Variants in PPIL3 observed in about 807,000 individuals in gnomAD.
The protein encoded by PPIL3 is peptidyl-prolyl cis-trans isomerase-like 3.
PPIL3 carries 13 observed loss-of-function variants against 20.9 expected under a neutral mutation model. That is an observed-to-expected ratio of 0.62 (90% CI 0.40 to 0.99). The LOEUF (loss-of-function observed/expected upper bound fraction) is 0.99. Ranked by LOEUF, PPIL3 falls within the 50% of genes least tolerant of loss-of-function variation. PPIL3 has a pLI of 0.00. For missense variants in PPIL3, 170 were observed against 195.2 expected, an observed-to-expected ratio of 0.87 and a Z score of 0.77; for synonymous variants, 71 against 64.4, an observed-to-expected ratio of 1.10 and a Z score of -0.49.
At chr2:200,874,355 G>A (rs1159782411) in intron 6 of PPIL3, among the ~76,000 whole-genome samples, 2 of 151,944 alleles carry the variant, frequency 1.3e-5, no homozygotes, top group Admixed American at 1.3e-4. Context: ...CCACCTTCTA[G>A]GTCAGTAAGA....
intron 3 of PPIL3, among the ~76,000 whole-genome samples, chr2:200,882,856 C>T (rs765019133): frequency 2.0e-4 from 30 of 149,024 alleles, no homozygotes; most frequent in Middle Eastern, 6.8e-3. Context: ...GCCGAGATCG[C>T]ACCACTGCAC....
intron 6 of PPIL3, among the ~76,000 whole-genome samples, chr2:200,873,707 C>T (rs1037234251): frequency 6.6e-6 from 1 of 151,460 alleles, no homozygotes; most frequent in African/African-American, 2.4e-5. Flanking sequence ...ACCTCGTGAT[C>T]TGCCCGCCTT....
chr2:200,879,474 T>C (rs529149184), intron 5 of PPIL3, among the ~76,000 whole-genome samples: 2 of 152,216 alleles, frequency 1.3e-5, no homozygotes, highest in South Asian at 4.2e-4. Flanking sequence ...CCTTAAAATA[T>C]AGTCTAAGTC....
chr2:200,874,002 G>C (rs1219665566), intron 6 of PPIL3, among the ~76,000 whole-genome samples: 1 of 151,368 alleles, frequency 6.6e-6, no homozygotes, highest in Non-Finnish European at 1.5e-5. Context: ...TCGGGAGATT[G>C]AGACCATCCT....
chr2:200,885,805 A>C, intron 2 of PPIL3, 33 bp from the exon 3 acceptor site: 1 of 1,349,840 alleles, frequency 7.4e-7, no homozygotes, highest in Non-Finnish European at 1.0e-6. Context: ...GAACAAATGA[A>C]ATTTATTTAG....
chr2:200,876,364 T>C (rs2039516596), intron 6 of PPIL3, among the ~76,000 whole-genome samples: 1 of 151,966 alleles, frequency 6.6e-6, no homozygotes, highest in Admixed American at 6.6e-5. Context: ...TGCATAACAA[T>C]ATTGAAAAAT....
intron 1 of PPIL3, chr2:200,888,606 G>A (rs958828353): frequency 9.5e-6 from 2 of 210,354 alleles, no homozygotes; most frequent in Non-Finnish European, 2.0e-5. Flanking sequence ...TGCAACCTCC[G>A]CCTCCGCCTC....
intron 6 of PPIL3, 146 bp downstream of exon 6, chr2:200,876,773 T>A: frequency 1.5e-6 from 1 of 653,578 alleles, no homozygotes; most frequent in South Asian, 1.9e-5. Context: ...TCTGCCCACC[T>A]TGGCCTCCCA....
At chr2:200,884,295 G>T (rs529848198) in intron 3 of PPIL3, among the ~76,000 whole-genome samples, 11 of 152,252 alleles carry the variant, frequency 7.2e-5, no homozygotes, top group African/African-American at 1.9e-4. Flanking sequence ...CCAGCTACTT[G>T]GGAGGCTGAG....
intron 6 of PPIL3, among the ~76,000 whole-genome samples, 192 bp from the exon 7 acceptor site, chr2:200,871,713 T>A (rs2039312852): frequency 6.6e-6 from 1 of 152,244 alleles, no homozygotes; most frequent in South Asian, 2.1e-4. Flanking sequence ...TTTACTTTTA[T>A]GCCCTTAGTC....
chr2:200,878,832 T>C (rs558036040), intron 5 of PPIL3, among the ~76,000 whole-genome samples: 30 of 152,230 alleles, frequency 2.0e-4, no homozygotes, highest in South Asian at 4.1e-4. Flanking sequence ...CATGTACATA[T>C]AGCCATAGTT....
chr2:200,877,160 T>TA (rs2039554489), intron 5 of PPIL3, 123 bp from the exon 6 acceptor site: 1 of 665,194 alleles, frequency 1.5e-6, no homozygotes, highest in Non-Finnish European at 2.6e-6. Context: ...GGGGTCTCAC[T>TA]ATGTTGCTCA....
intron 5 of PPIL3, among the ~76,000 whole-genome samples, chr2:200,877,776 T>A (rs948305785): frequency 4.6e-5 from 7 of 152,200 alleles, no homozygotes; most frequent in African/African-American, 1.7e-4. Context: ...ATATATTTTT[T>A]AACTAAGGGC....
intron 3 of PPIL3, chr2:200,885,414 A>G (rs116089914): frequency 5.1e-4 from 175 of 343,730 alleles, no homozygotes; most frequent in African/African-American, 3.5e-3. Context: ...GAAAGAAAAA[A>G]GTAATATAAT....
In PPIL3 at chr2:200,881,553, A is replaced by C. The variant is rs1027828055; in HGVS notation, c.173-65T>G. 11 of 1,364,378 alleles carry C rather than the reference A, an allele frequency of 8.1e-6. No homozygotes were observed. The Admixed American group carries it at 8.7e-5, about 11-fold the overall frequency. The allele number at this position is 1,364,378 out of a possible 1,614,324, so 84.5% of individuals were successfully genotyped here. A position where few individuals can be genotyped will look rare whatever the true frequency, so the allele number is the denominator to read the frequency against. On this transcript the variant is annotated intron_variant, in intron 4 of 6. Coordinates refer to ENST00000392283, the MANE Select transcript of PPIL3 (RefSeq NM_130906.3). ...TAAATTGAAAACAAGTTCATTTCCCAAAACTTAAGGAATACTTTATAGTTT... is the reference window on the plus strand; with the variant it reads ...TAAATTGAAAACAAGTTCATTTCCCCAAACTTAAGGAATACTTTATAGTTT...
intron 6 of PPIL3, among the ~76,000 whole-genome samples, chr2:200,876,300 C>G (rs1222135514): frequency 2.0e-5 from 3 of 151,032 alleles, no homozygotes; most frequent in Non-Finnish European, 4.4e-5. Context: ...GGCGACAGAG[C>G]CTTTCGTCTC....
chr2:200,875,422 C>T (rs574830055), intron 6 of PPIL3, among the ~76,000 whole-genome samples: 76 of 152,104 alleles, frequency 5.0e-4, no homozygotes, highest in Non-Finnish European at 1.0e-3. Flanking sequence ...CACGCACCAC[C>T]GCACCCAGCT....
chr2:200,878,391 ATTT>A (rs760527328), intron 5 of PPIL3, among the ~76,000 whole-genome samples: 1 of 128,782 alleles, frequency 7.8e-6, no homozygotes, highest in Admixed American at 7.9e-5. Flanking sequence ...TCATTTTTTC[ATTT>A]TTTTTTTTTT....
At chr2:200,880,280 G>T (rs2039676012) in intron 5 of PPIL3, among the ~76,000 whole-genome samples, 1 of 151,926 alleles carries the variant, frequency 6.6e-6, no homozygotes, top group South Asian at 2.1e-4. Context: ...AAAAAGAAAA[G>T]AAATTACTCC....
Sources: allele counts gnomAD v4.1 joint callset (sites outside exome capture counted in the v4.1 genomes callset), GRCh38; gene constraint gnomAD v4.1.1; transcripts MANE v1.5; gene names NCBI Gene and HGNC (gene_info 2026-07-23, HGNC 2026-07-21).